Variants in CWF19L2 observed in about 807,000 individuals in gnomAD.
CWF19L2 encodes CWF19-like protein 2.
A neutral mutation model predicts 111.7 loss-of-function variants in CWF19L2; 98 were observed. The observed-to-expected ratio is 0.88, with a 90% CI of 0.75 to 1.04. The LOEUF is 1.04. Ranked by LOEUF, CWF19L2 falls within the 50% of genes least tolerant of loss-of-function variation. The pLI, the probability that CWF19L2 is intolerant of heterozygous loss-of-function variation, is 0.00. For missense variants in CWF19L2, 1,101 were observed against 1,051.4 expected, an observed-to-expected ratio of 1.05 and a Z score of -0.65; for synonymous variants, 351 against 342.9, an observed-to-expected ratio of 1.02 and a Z score of -0.26.
At chr11:107,381,976 T>C (rs1176754635) in intron 12 of CWF19L2, among the ~76,000 whole-genome samples, 1 of 152,126 alleles carries the variant, frequency 6.6e-6, no homozygotes, top group Non-Finnish European at 1.5e-5. Context: ...ACACCTTTCA[T>C]TTTTCCTCCC....
intron 8 of CWF19L2, among the ~76,000 whole-genome samples, chr11:107,423,643 C>T (rs1243063102): frequency 2.0e-5 from 3 of 151,880 alleles, no homozygotes; most frequent in Non-Finnish European, 2.9e-5. Context: ...TTTAGGATAA[C>T]GAAGCTATTT....
chr11:107,362,912 T>G (rs1860378240), intron 12 of CWF19L2, among the ~76,000 whole-genome samples: 1 of 151,738 alleles, frequency 6.6e-6, no homozygotes, highest in African/African-American at 2.4e-5. Flanking sequence ...GGCAAAGAAG[T>G]TGAAAACTTT....
rs530442393 is a variant in CWF19L2, at chr11:107,450,036, G to C, written c.339+4414C>G. 4.5e-4 allele frequency among the ~76,000 whole-genome samples: 68 copies of C among 151,630 alleles called. 1 individual carries two copies. The highest frequency in any genetic ancestry group is 1.5e-3 in the African/African-American group (61 of 41,364). ...CAAAAAACATCTAATTGAAAAGTAA[G>C]AGACGTGAGCCAAGATTGCGGCACT... On this transcript the variant is annotated intron_variant, in intron 3 of 17. Transcript: ENST00000282251.
chr11:107,455,898 T>C, intron 1 of CWF19L2, 122 bp from the exon 2 acceptor site: 1 of 578,956 alleles, frequency 1.7e-6, no homozygotes, highest in Non-Finnish European at 3.1e-6. Flanking sequence ...TGAATGTCTA[T>C]TCCTTGCCAG....
intron 16 of CWF19L2, among the ~76,000 whole-genome samples, chr11:107,334,463 GA>G (rs1859892575): frequency 6.6e-6 from 1 of 152,114 alleles, no homozygotes; most frequent in Non-Finnish European, 1.5e-5. Context: ...CTTTGTATAA[GA>G]AAAAGAAAAT....
rs1289107562 is a variant in CWF19L2 at position 107,416,243 on chromosome 11, G to A, written c.1583C>T (p.Thr528Ile). ...QLEKANKFKE[T>I]ITQIPKKSGV... Reference sequence around the variant, plus strand: ...AGATTTTTTTGGTATCTGTGTTATAGTTTCTTTGAATTTATTTGCCTTTTC... The same window carrying A: ...AGATTTTTTTGGTATCTGTGTTATAATTTCTTTGAATTTATTTGCCTTTTC... The change falls in exon 10 of 18, where the codon ACT becomes ATT. Residue 528 changes from threonine to isoleucine, a missense_variant. Physicochemically the swap from Thr to Ile is moderately conservative, Grantham distance 89 (BLOSUM62 -1). Coordinates refer to ENST00000282251, the MANE Select transcript of CWF19L2 (RefSeq NM_152434.3). The A allele has an allele frequency of 1.3e-6, 2 of 1,483,868 alleles. No individual in the cohort carries two copies. Among genetic ancestry groups the A allele is most frequent in the South Asian group, 1.3e-5 (1 of 74,938 alleles). The allele number at this position is 1,483,868 out of a possible 1,614,324, so 91.9% of individuals were successfully genotyped here.
At chr11:107,383,124 C>T (rs573107595) in intron 12 of CWF19L2, among the ~76,000 whole-genome samples, 6 of 152,264 alleles carry the variant, frequency 3.9e-5, no homozygotes, top group Admixed American at 2.0e-4. Context: ...TAAGTGTTTC[C>T]CTGAATTCTG....
chr11:107,443,515 C>T (rs1861661310), intron 3 of CWF19L2, among the ~76,000 whole-genome samples: 1 of 151,972 alleles, frequency 6.6e-6, no homozygotes. Flanking sequence ...AACATATAAA[C>T]CCACTAGTTT....
chr11:107,435,382 T>C (rs1276460396), intron 6 of CWF19L2, among the ~76,000 whole-genome samples: 4 of 152,136 alleles, frequency 2.6e-5, no homozygotes, highest in African/African-American at 4.8e-5. Flanking sequence ...AATAAATACC[T>C]ATATGAATGT....
chr11:107,385,322 CA>C (rs11393267), intron 12 of CWF19L2, among the ~76,000 whole-genome samples: 5 of 148,892 alleles, frequency 3.4e-5, no homozygotes, highest in Non-Finnish European at 7.4e-5. Flanking sequence ...TTAAATAATA[CA>C]AAAAAAAAAC....
At chr11:107,373,991 G>A (rs1456169499) in intron 12 of CWF19L2, among the ~76,000 whole-genome samples, 1 of 136,988 alleles carries the variant, frequency 7.3e-6, no homozygotes, top group Admixed American at 7.1e-5. Context: ...CTCAGGAGCT[G>A]ATGCGATCAA....
chr11:107,403,390 T>C, intron 10 of CWF19L2: 2 of 743,732 alleles, frequency 2.7e-6, no homozygotes, highest in Non-Finnish European at 4.9e-6. Flanking sequence ...ACATAAAACA[T>C]GGCAACACTT....
Position 107,428,925 on chromosome 11 carries a change from G to T in CWF19L2, c.1307C>A (p.Ser436Ter). The change falls in exon 8 of 18, where the codon TCG becomes TAG. Residue 436 changes from serine to a stop codon, truncating the protein, a stop_gained. Coordinates refer to ENST00000282251, the MANE Select transcript of CWF19L2 (RefSeq NM_152434.3). LOFTEE classifies it high-confidence loss of function. ...TTGGTGTTCATCAGTACTGGTTTCC[G>T]ATGGCTTTTGATTTGAATGTTTCTT... is the stretch of plus-strand genomic sequence containing the variant. Reference protein sequence around the residue: ...GDKKHSNQKPSETSTDEHQHV... With the variant: ...GDKKHSNQKP 1.2e-6 allele frequency: 2 copies of T among 1,613,584 alleles called. No homozygotes were observed. The highest frequency in any genetic ancestry group is 1.7e-6 in the Non-Finnish European group (2 of 1,179,734).
At chr11:107,417,102 C>T (rs1426282531) in intron 9 of CWF19L2, among the ~76,000 whole-genome samples, 4 of 152,136 alleles carry the variant, frequency 2.6e-5, no homozygotes, top group Admixed American at 1.3e-4. Flanking sequence ...TGTTTGGTTA[C>T]CATTTGTTCT....
At chr11:107,378,531 A>G (rs1159752846) in intron 12 of CWF19L2, among the ~76,000 whole-genome samples, 1 of 152,012 alleles carries the variant, frequency 6.6e-6, no homozygotes, top group East Asian at 1.9e-4. Flanking sequence ...AAAACCAAAC[A>G]CCGCGTATTC....
intron 3 of CWF19L2, among the ~76,000 whole-genome samples, chr11:107,452,565 T>G (rs914064943): frequency 6.6e-6 from 1 of 152,170 alleles, no homozygotes; most frequent in Non-Finnish European, 1.5e-5. Flanking sequence ...AAATTCAGCC[T>G]TTTCAACAAA....
chr11:107,343,123 T>C (rs1471141236), intron 14 of CWF19L2, among the ~76,000 whole-genome samples: 1 of 152,232 alleles, frequency 6.6e-6, no homozygotes, highest in Non-Finnish European at 1.5e-5. Flanking sequence ...ACAGCAACAA[T>C]AGGAAACTAG....
intron 12 of CWF19L2, among the ~76,000 whole-genome samples, chr11:107,387,814 C>G (rs185700859): frequency 2.6e-5 from 4 of 152,230 alleles, no homozygotes; most frequent in Middle Eastern, 3.4e-3. Flanking sequence ...CCGACTGGCC[C>G]GCTCCGCTCA....
intron 14 of CWF19L2, among the ~76,000 whole-genome samples, chr11:107,342,005 C>T (rs1026887764): frequency 1.3e-5 from 2 of 151,712 alleles, no homozygotes; most frequent in Admixed American, 6.6e-5. Context: ...TTTAAAAACC[C>T]CAACTTTTGT....
Sources: gnomAD v4.1 joint callset for allele counts (sites outside exome capture counted in the v4.1 genomes callset) on GRCh38, gnomAD v4.1.1 for gene constraint, MANE v1.5 for transcripts, NCBI Gene and HGNC (gene_info 2026-07-23, HGNC 2026-07-21) for gene names.